The following MPHOSPH9 variants were observed in gnomAD, a reference collection of about 807,000 sequenced individuals.
The protein encoded by MPHOSPH9 is M-phase phosphoprotein 9.
A neutral mutation model predicts 145.5 loss-of-function variants in MPHOSPH9; 88 were observed. The observed-to-expected ratio is 0.60, with a 90% confidence interval of 0.51 to 0.72. The LOEUF is 0.72. Ranked by LOEUF, MPHOSPH9 falls within the 30% of genes least tolerant of loss-of-function variation. The probability of loss-of-function intolerance (pLI) is 0.00; values close to 1 mark genes in which losing one functional copy is unlikely to be tolerated. For synonymous variants in MPHOSPH9, 435 were observed against 486.2 expected (o/e 0.89, Z 1.39); for missense variants, 1,238 against 1,386.6 (o/e 0.89, Z 1.70).
intron 16 of MPHOSPH9, among the ~76,000 whole-genome samples, chr12:123,169,441 G>A (rs529890519): frequency 6.6e-6 from 1 of 151,268 alleles, no homozygotes; most frequent in Non-Finnish European, 1.5e-5. Context: ...GGAGTTTGCA[G>A]TGAGCCGAGA....
At chr12:123,232,039 C>G (rs1593259643) in intron 1 of MPHOSPH9, among the ~76,000 whole-genome samples, 1 of 150,774 alleles carries the variant, frequency 6.6e-6, no homozygotes, top group African/African-American at 2.4e-5. Flanking sequence ...AAAGGGTAAC[C>G]GGACCTAACT....
At position 123,166,655 on chromosome 12, in the gene MPHOSPH9, C is replaced by G. The variant is rs1222984594; in HGVS notation, c.2591G>C (p.Gly864Ala). Residue 864 changes from glycine to alanine, a missense_variant and splice_region_variant, in exon 17 of 24, where the codon GGG becomes GCG. Physicochemically the swap from Gly to Ala is moderately conservative, Grantham distance 60. Coordinates refer to ENST00000606320, the MANE Select transcript of MPHOSPH9 (RefSeq NM_022782.4). ...AGAATCTTTAGCAAAGTTATCTCAC[C>G]CTAGGCTACAGGTTTCCTCCAGCTG... is the stretch of plus-strand genomic sequence containing the variant. ...DNQLEETCSL[G>A]HRSPLEKDSS... The G allele has an allele frequency of 3.7e-6, 6 of 1,611,954 alleles. No homozygotes were observed. In the East Asian group the frequency reaches 1.1e-4, roughly 30 times the overall value.
intron 1 of MPHOSPH9, among the ~76,000 whole-genome samples, chr12:123,239,451 A>G (rs1050404283): frequency 6.6e-6 from 1 of 152,058 alleles, no homozygotes; most frequent in African/African-American, 2.4e-5. Flanking sequence ...TTGCCAGGCT[A>G]GAGTGCAATG....
chr12:123,201,864 A>G (rs2046237433), intron 11 of MPHOSPH9, among the ~76,000 whole-genome samples: 1 of 152,208 alleles, frequency 6.6e-6, no homozygotes, highest in Non-Finnish European at 1.5e-5. Flanking sequence ...GAACTGCCAC[A>G]GGACATAAGC....
Position 123,193,126 on chromosome 12 carries a change from C to T in MPHOSPH9, c.2241+1260G>A, listed in dbSNP as rs1005413289. ...ATATATATACACACACACACACACA[C>T]ACACACACACACACACACACACACG... On this transcript the variant is annotated intron_variant, in intron 13 of 23. Coordinates refer to ENST00000606320, the MANE Select transcript of MPHOSPH9 (RefSeq NM_022782.4). 2.1e-4 allele frequency among the ~76,000 whole-genome samples: 30 copies of T among 143,026 alleles called. No homozygotes were observed. In the East Asian group the frequency reaches 3.0e-3, roughly 14 times the overall value. 93.8% of individuals were successfully genotyped at this position (143,026 alleles called of 152,430 possible).
chr12:123,200,300 C>CT (rs200819299), intron 11 of MPHOSPH9, among the ~76,000 whole-genome samples: 99 of 143,494 alleles, frequency 6.9e-4, no homozygotes, highest in Middle Eastern at 3.6e-3. Flanking sequence ...TGTAACACAG[C>CT]TTTTTTTTTT....
In MPHOSPH9 at chr12:123,203,315, T is replaced by G; in HGVS notation, c.1255A>C (p.Arg419=). Residue 419 remains arginine (R), a synonymous_variant, in exon 9 of 24, where the codon AGG becomes CGG. Coordinates refer to ENST00000606320, the MANE Select transcript of MPHOSPH9 (RefSeq NM_022782.4). ...SLKDIYYKKQ[R]ENKQLPERNL... ...CTCTCAGGTAACTGCTTGTTTTCCC[T>G]TTGTTTTTTATAATAAATATCCTTC... 1 of 1,612,904 alleles carries G rather than the reference T, an allele frequency of 6.2e-7. No individual in the cohort carries two copies. Among genetic ancestry groups the G allele is most frequent in the Non-Finnish European group, 8.5e-7 (1 of 1,178,922 alleles).
At chr12:123,164,801 G>T (rs1182567180) in intron 18 of MPHOSPH9, among the ~76,000 whole-genome samples, 1 of 152,146 alleles carries the variant, frequency 6.6e-6, no homozygotes, top group African/African-American at 2.4e-5. Flanking sequence ...TTGAAGCCAG[G>T]AGTTCGAGAC....
At chr12:123,239,742 A>C (rs1471011975) in intron 1 of MPHOSPH9, among the ~76,000 whole-genome samples, 1 of 152,198 alleles carries the variant, frequency 6.6e-6, no homozygotes, top group Non-Finnish European at 1.5e-5. Flanking sequence ...GTTCTAGAAC[A>C]TTAACACAAC....
intron 13 of MPHOSPH9, among the ~76,000 whole-genome samples, chr12:123,184,844 C>T (rs2045366830): frequency 6.6e-6 from 1 of 152,086 alleles, no homozygotes; most frequent in Non-Finnish European, 1.5e-5. Flanking sequence ...CACTCTGTCA[C>T]CCAGGCTGGT....
intron 17 of MPHOSPH9, chr12:123,166,441 A>C: frequency 1.7e-6 from 1 of 598,730 alleles, no homozygotes; most frequent in Non-Finnish European, 2.9e-6. Context: ...ACAAACCCAT[A>C]CTGTGCCACT....
chr12:123,184,340 A>C (rs908703984), intron 13 of MPHOSPH9, among the ~76,000 whole-genome samples: 1 of 152,072 alleles, frequency 6.6e-6, no homozygotes, highest in Non-Finnish European at 1.5e-5. Context: ...CAACCCCAGA[A>C]AAAAAACCTT....
chr12:123,219,068 A>G (rs2047089678), intron 5 of MPHOSPH9, among the ~76,000 whole-genome samples: 1 of 151,566 alleles, frequency 6.6e-6, no homozygotes, highest in African/African-American at 2.4e-5. Context: ...ACACCCAGCT[A>G]ATTTTTCTAT....
chr12:123,195,207 T>A (rs979686776), intron 12 of MPHOSPH9, among the ~76,000 whole-genome samples: 1 of 152,178 alleles, frequency 6.6e-6, no homozygotes, highest in African/African-American at 2.4e-5. Context: ...AGGGAAATTA[T>A]TTGAAAGTAT....
At chr12:123,180,966 G>GA (rs1328385861) in intron 14 of MPHOSPH9, among the ~76,000 whole-genome samples, 197 bp downstream of exon 14, 1 of 152,172 alleles carries the variant, frequency 6.6e-6, no homozygotes, top group Non-Finnish European at 1.5e-5. Flanking sequence ...TCAGATTAAT[G>GA]AATCTAACAA....
chr12:123,181,725 C>T (rs568591597), intron 13 of MPHOSPH9, among the ~76,000 whole-genome samples: 14 of 151,368 alleles, frequency 9.2e-5, no homozygotes, highest in South Asian at 6.3e-4. Flanking sequence ...AGAGAGACCC[C>T]GTCTTAAAAA....
chr12:123,222,960 ATATG>A (rs1453323063), intron 4 of MPHOSPH9, 74 bp downstream of exon 4: 1 of 749,566 alleles, frequency 1.3e-6, no homozygotes. Context: ...GTGTATATAT[ATATG>A]TGTGTGTGTG....
rs373157510 is a variant in MPHOSPH9, at chr12:123,209,978, C to T, written c.1194+78G>A. The T allele has an allele frequency of 2.3e-5, 20 of 869,600 alleles. No homozygotes were observed. In the East Asian group the frequency reaches 3.6e-4, roughly 16 times the overall value. The allele number at this position is 869,600 out of a possible 1,614,324, so 53.9% of individuals were successfully genotyped here. On this transcript the variant is annotated intron_variant, in intron 8 of 23. Transcript: ENST00000606320. ...GTCTTGATCTCCTGACCTCATGATC[C>T]GCCCACCTCGGCCTCCCAAAGCGCT...
chr12:123,223,691 C>T (rs2047311753), intron 3 of MPHOSPH9, among the ~76,000 whole-genome samples: 2 of 152,260 alleles, frequency 1.3e-5, no homozygotes, highest in Non-Finnish European at 2.9e-5. Flanking sequence ...TCAAACCATC[C>T]TAACAGTTCC....
Sources: allele counts gnomAD v4.1 joint callset (sites outside exome capture counted in the v4.1 genomes callset), GRCh38; gene constraint gnomAD v4.1.1; transcripts MANE v1.5; gene names NCBI Gene and HGNC (gene_info 2026-07-23, HGNC 2026-07-21).